The following SCFD2 variants were observed in gnomAD, a reference collection of about 807,000 sequenced individuals.
SCFD2 encodes the protein sec1 family domain containing 2, also known as sec1 family domain-containing protein 2.
In SCFD2, 54 loss-of-function variants were observed where a neutral mutation model predicts 58.9. That is an observed-to-expected ratio of 0.92 (90% CI 0.74 to 1.15). The LOEUF is 1.15. Ranked by LOEUF, SCFD2 falls within the 50% of genes most tolerant of loss-of-function variation. The pLI is 0.00. For missense variants in SCFD2, 805 were observed against 836.6 expected, an observed-to-expected ratio of 0.96 and a Z score of 0.47; for synonymous variants, 321 against 335.9, an observed-to-expected ratio of 0.96 and a Z score of 0.49.
chr4:53,007,669 C>A (rs1335052991), intron 5 of SCFD2, among the ~76,000 whole-genome samples: 3 of 152,138 alleles, frequency 2.0e-5, no homozygotes, highest in African/African-American at 7.2e-5. Flanking sequence ...CTAAGTGTGG[C>A]TTAACAGCAC....
At chr4:52,914,592 A>C (rs1376984161) in intron 6 of SCFD2, among the ~76,000 whole-genome samples, 1 of 152,162 alleles carries the variant, frequency 6.6e-6, no homozygotes, top group East Asian at 1.9e-4. Flanking sequence ...ACTTGTGTCA[A>C]GTGGGAGCCA....
intron 4 of SCFD2, among the ~76,000 whole-genome samples, chr4:53,217,794 C>G (rs1728902069): frequency 2.0e-5 from 3 of 152,110 alleles, no homozygotes; most frequent in Non-Finnish European, 1.5e-5. Flanking sequence ...TTGTTCCTTT[C>G]CATGTTTAGT....
chr4:53,008,987 T>C (rs1722038999), intron 5 of SCFD2, among the ~76,000 whole-genome samples: 2 of 152,226 alleles, frequency 1.3e-5, no homozygotes, highest in South Asian at 4.1e-4. Context: ...GATGTGGAGA[T>C]CTGGGTCTTA....
chr4:53,104,890 G>T (rs1724941339), intron 5 of SCFD2, among the ~76,000 whole-genome samples: 1 of 152,116 alleles, frequency 6.6e-6, no homozygotes, highest in African/African-American at 2.4e-5. Flanking sequence ...TTAGAGAGTG[G>T]CTGGCAAGAT....
intron 5 of SCFD2, among the ~76,000 whole-genome samples, chr4:53,128,580 A>AG (rs897556564): frequency 1.1e-4 from 17 of 152,204 alleles, no homozygotes; most frequent in African/African-American, 4.1e-4. Context: ...TAAGGTTCGG[A>AG]GGGGAGGAGG....
Position 52,876,756 on chromosome 4 carries a change from G to GA in SCFD2, c.1963-2696dup, listed in dbSNP as rs761229349. Among the ~76,000 whole-genome samples the GA allele has an allele frequency of 7.7e-3, 417 of 54,250 alleles. 8 individuals carry two copies. Among genetic ancestry groups the GA allele is most frequent in the Admixed American group, 0.014 (60 of 4,372 alleles). 35.6% of individuals were successfully genotyped at this position (54,250 alleles called of 152,430 possible). A position where few individuals can be genotyped will look rare whatever the true frequency, so the allele number is the denominator to read the frequency against. On this transcript the variant is annotated intron_variant, in intron 8 of 8. Coordinates refer to ENST00000401642, the MANE Select transcript of SCFD2 (RefSeq NM_152540.4). ...CAGAGCGAAACTCTGTCTCTGTCTC[G>GA]AAAAAAAAAAAAAAAAAAAAAAAAA... is the stretch of plus-strand genomic sequence containing the variant.
chr4:52,905,560 C>T (rs888982252), intron 7 of SCFD2, among the ~76,000 whole-genome samples: 5 of 152,158 alleles, frequency 3.3e-5, no homozygotes, highest in Non-Finnish European at 5.9e-5. Flanking sequence ...GCTGGGAGAA[C>T]ATAAATTCCT....
At chr4:53,140,300 T>C (rs1726090300) in intron 5 of SCFD2, among the ~76,000 whole-genome samples, 1 of 149,682 alleles carries the variant, frequency 6.7e-6, no homozygotes, top group African/African-American at 2.5e-5. Context: ...GTACTGGTCT[T>C]TAACTTTTAC....
At chr4:53,140,410 T>TATATATATATATATATAA (rs1560353881) in intron 5 of SCFD2, among the ~76,000 whole-genome samples, 7 of 142,782 alleles carry the variant, frequency 4.9e-5, no homozygotes, top group African/African-American at 1.8e-4. Flanking sequence ...TATATATATA[T>TATATATATATATATATAA]ATAAATTTTA....
At chr4:52,877,687 G>A (rs1176969791) in intron 8 of SCFD2, among the ~76,000 whole-genome samples, 1 of 152,216 alleles carries the variant, frequency 6.6e-6, no homozygotes, top group Non-Finnish European at 1.5e-5. Flanking sequence ...TCCTCATTAT[G>A]TGCATCCCCG....
At chr4:53,047,950 G>A (rs1723084303) in intron 5 of SCFD2, among the ~76,000 whole-genome samples, 1 of 152,176 alleles carries the variant, frequency 6.6e-6, no homozygotes, top group African/African-American at 2.4e-5. Context: ...ACATGTGAGG[G>A]AATGTGTGTA....
intron 5 of SCFD2, among the ~76,000 whole-genome samples, chr4:52,947,400 C>CTGAAT (rs1720459230): frequency 6.6e-6 from 1 of 152,164 alleles, no homozygotes; most frequent in Admixed American, 6.5e-5. Context: ...TCTAGCAATT[C>CTGAAT]AGTACAATTT....
chr4:52,899,480 C>T (rs1288328805), intron 7 of SCFD2, among the ~76,000 whole-genome samples: 1 of 152,206 alleles, frequency 6.6e-6, no homozygotes, highest in Non-Finnish European at 1.5e-5. Flanking sequence ...TACTGGCCCC[C>T]ACTCTCTTCT....
intron 5 of SCFD2, among the ~76,000 whole-genome samples, chr4:52,993,642 T>C (rs1411676253): frequency 1.3e-5 from 2 of 152,130 alleles, no homozygotes; most frequent in African/African-American, 4.8e-5. Context: ...GGGGCTGGCA[T>C]ACAGGGTGAA....
In SCFD2 at chr4:52,902,417, A is replaced by G. The variant is rs78104290; in HGVS notation, c.1842+5040T>C. Among the ~76,000 whole-genome samples, 632 of 152,356 alleles carry G rather than the reference A, an allele frequency of 4.1e-3. 3 individuals carry two copies. The highest frequency in any genetic ancestry group is 0.014 in the African/African-American group (598 of 41,574). On this transcript the variant is annotated intron_variant, in intron 7 of 8. Transcript: ENST00000401642. ...CAGCACTCTATGTCTTTCTGACAAG[A>G]GCAAATCAGTAGTGAAATATGAAAT...
chr4:52,889,412 C>T (rs1473103336), intron 7 of SCFD2, among the ~76,000 whole-genome samples: 2 of 152,212 alleles, frequency 1.3e-5, no homozygotes, highest in African/African-American at 4.8e-5. Context: ...CCAGAGGCCA[C>T]ACTCTTAAAA....
intron 5 of SCFD2, among the ~76,000 whole-genome samples, chr4:53,117,100 C>T (rs1725345966): frequency 6.6e-6 from 1 of 152,166 alleles, no homozygotes; most frequent in African/African-American, 2.4e-5. Context: ...GAGTAGCACT[C>T]TGTGTACTGG....
intron 5 of SCFD2, among the ~76,000 whole-genome samples, chr4:52,943,221 TAAACAAAACAAAACAAAACA>T (rs142354116): frequency 2.7e-5 from 4 of 150,684 alleles, no homozygotes; most frequent in African/African-American, 4.9e-5. Flanking sequence ...ACTCATGCCT[TAAACAAAACAAAACAAAACA>T]AAACAAAACA....
intron 4 of SCFD2, among the ~76,000 whole-genome samples, chr4:53,236,883 A>C (rs1297645582): frequency 6.6e-6 from 1 of 150,722 alleles, no homozygotes; most frequent in South Asian, 2.1e-4. Context: ...GGTGTTTCTC[A>C]CAGAGGGGGA....
Sources: gnomAD v4.1 joint callset for allele counts (sites outside exome capture counted in the v4.1 genomes callset) on GRCh38, gnomAD v4.1.1 for gene constraint, MANE v1.5 for transcripts, NCBI Gene and HGNC (gene_info 2026-07-23, HGNC 2026-07-21) for gene names.